PPP2R2C: variants seen among roughly 807,000 people sequenced by gnomAD.
The protein encoded by PPP2R2C is protein phosphatase 2 regulatory subunit Bgamma, also known as protein phosphatase 2, regulatory subunit B, gamma.
PPP2R2C carries 10 observed loss-of-function variants against 45.3 expected under a neutral mutation model. The observed-to-expected ratio is 0.22, with a 90% confidence interval of 0.14 to 0.37. The LOEUF is 0.37. Ranked by LOEUF, PPP2R2C falls within the 10% of genes least tolerant of loss-of-function variation. PPP2R2C has a pLI of 1.00. For synonymous variants in PPP2R2C, 257 were observed against 245.4 expected, an observed-to-expected ratio of 1.05 and a Z score of -0.44; for missense variants, 308 against 619.7, an observed-to-expected ratio of 0.50 and a Z score of 5.34.
chr4:6,400,432 T>C (rs9995412), intron 1 of PPP2R2C, among the ~76,000 whole-genome samples: 19,306 of 152,278 alleles, frequency 0.13, 1,735 homozygotes, highest in African/African-American at 0.25. Context: ...TTTTTAACTG[T>C]CTGAGTTTTA....
intron 2 of PPP2R2C, among the ~76,000 whole-genome samples, chr4:6,483,928 G>A (rs1722451495): frequency 6.6e-6 from 1 of 152,018 alleles, no homozygotes; most frequent in Non-Finnish European, 1.5e-5. Flanking sequence ...CAGACCAGCT[G>A]CGTATTTTTA....
rs1474695972 is a variant in PPP2R2C, at chr4:6,414,070, CTGTGTATGTGTGTGTG to C, written c.71-32992_71-32977del. The C allele has an allele frequency of 2.3e-4, 276 of 1,202,566 alleles. 6 individuals are homozygous for C. The highest frequency in any genetic ancestry group is 1.7e-3 in the Middle Eastern group (6 of 3,516). The allele number at this position is 1,202,566 out of a possible 1,614,324, so 74.5% of individuals were successfully genotyped here. On this transcript the variant is annotated intron_variant, in intron 1 of 8. Coordinates refer to ENST00000382599, the MANE Select transcript of PPP2R2C (RefSeq NM_020416.4). ...CATGGGACAGTAACATAAGTTTTGC[CTGTGTATGTGTGTGTG>C]TGTGTGTGTGTGTGTGTGTGTGTGT...
chr4:6,535,325 G>C, exon 2 of PPP2R2C: 4 of 1,535,344 alleles, frequency 2.6e-6, no homozygotes, highest in Non-Finnish European at 3.5e-6. Context: ...CGCATCCTGA[G>C]AGAGGTGACT....
chr4:6,410,784 T>C (rs571653437), intron 1 of PPP2R2C, among the ~76,000 whole-genome samples: 4 of 152,210 alleles, frequency 2.6e-5, no homozygotes, highest in South Asian at 2.1e-4. Flanking sequence ...TTCATGAACA[T>C]TGATCTCACT....
chr4:6,335,185 A>G (rs558254225), intron 6 of PPP2R2C, among the ~76,000 whole-genome samples: 1 of 152,350 alleles, frequency 6.6e-6, no homozygotes, highest in East Asian at 1.9e-4. Flanking sequence ...CTGTGCAGCC[A>G]ACATTCTCCT....
In PPP2R2C at chr4:6,328,911, ATGGTGACCGGGTGC is replaced by A. The variant is rs66509023; in HGVS notation, c.1052+337_1052+350del. ...CAGGACATACAGGTGTGGATGGATGATGGTGACCGGGTGCTGGGCTATAGCCCTCGCCCCCGACA... is the reference window on the plus strand; with the variant it reads ...CAGGACATACAGGTGTGGATGGATGATGGGCTATAGCCCTCGCCCCCGACA... On this transcript the variant is annotated intron_variant, in intron 8 of 8. Transcript: ENST00000382599. This position sits in a 1 kb window ranked among gnomAD's most constrained non-coding sequence, Gnocchi z 4.4. Among the ~76,000 whole-genome samples the A allele has an allele frequency of 0.39, 58,636 of 151,950 alleles. 11,458 individuals are homozygous for A. Among genetic ancestry groups the A allele is most frequent in the Non-Finnish European group, 0.4 (27,140 of 67,920 alleles).
In PPP2R2C at chr4:6,538,203, C is replaced by T. The variant is rs893326996; in HGVS notation, c.-58-2826G>A. Among the ~76,000 whole-genome samples, 9 of 152,254 alleles carry T rather than the reference C, an allele frequency of 5.9e-5. No individual in the cohort carries two copies. The South Asian group carries it at 1.2e-3, about 21-fold the overall frequency. On this transcript the variant is annotated intron_variant, in intron 1 of 9. Transcript: ENST00000506140. ...TAATCTTCCCAACGGCCCACTGAGG[C>T]GGGCACCCCTACAAGTTGAATGACT...
At chr4:6,382,101 T>A in intron 1 of PPP2R2C, 1 of 1,331,500 alleles carries the variant, frequency 7.5e-7, no homozygotes, top group Admixed American at 3.5e-5. Flanking sequence ...TTATTACTTT[T>A]AATTTGAAGT....
chr4:6,555,071 C>T (rs939761509), intron 1 of PPP2R2C, among the ~76,000 whole-genome samples: 1 of 152,130 alleles, frequency 6.6e-6, no homozygotes, highest in African/African-American at 2.4e-5. Context: ...CCAGCAGATT[C>T]GATTCAGTGT....
intron 5 of PPP2R2C, among the ~76,000 whole-genome samples, chr4:6,367,896 C>G (rs1714470080): frequency 1.3e-5 from 2 of 152,214 alleles, no homozygotes; most frequent in African/African-American, 2.4e-5. Flanking sequence ...CTGCCAAATG[C>G]CTAAGTTGCC....
intron 1 of PPP2R2C, among the ~76,000 whole-genome samples, chr4:6,395,442 C>T (rs984780132): frequency 1.3e-5 from 2 of 152,218 alleles, no homozygotes; most frequent in Admixed American, 6.5e-5. Flanking sequence ...AAGGACCACC[C>T]GGTGTCCAGG....
intron 2 of PPP2R2C, among the ~76,000 whole-genome samples, chr4:6,484,046 T>A (rs1381821269): frequency 1.3e-5 from 2 of 152,058 alleles, no homozygotes; most frequent in Non-Finnish European, 2.9e-5. Flanking sequence ...CCATATGGCC[T>A]ACAAGCCTAA....
intron 1 of PPP2R2C, among the ~76,000 whole-genome samples, chr4:6,400,904 G>A (rs59127498): frequency 0.17 from 25,728 of 152,122 alleles, 2,493 homozygotes; most frequent in South Asian, 0.27. Context: ...AAAGGGATGC[G>A]GAAGGGAAAC....
chr4:6,492,525 A>G (rs1395371410), intron 2 of PPP2R2C, among the ~76,000 whole-genome samples: 1 of 152,204 alleles, frequency 6.6e-6, no homozygotes, highest in Non-Finnish European at 1.5e-5. Flanking sequence ...AGTGAAAGTC[A>G]GTGGCCCCAC....
chr4:6,428,677 C>G (rs11935460), intron 1 of PPP2R2C, among the ~76,000 whole-genome samples: 2 of 152,232 alleles, frequency 1.3e-5, no homozygotes, highest in African/African-American at 4.8e-5. Context: ...CCAGACATCA[C>G]TGACACTGCA....
chr4:6,512,445 G>T (rs1447767373), intron 2 of PPP2R2C, among the ~76,000 whole-genome samples: 1 of 119,852 alleles, frequency 8.3e-6, no homozygotes, highest in Non-Finnish European at 1.8e-5. Context: ...TGATGGTGGC[G>T]GTGGTGGTGG....
intron 2 of PPP2R2C, among the ~76,000 whole-genome samples, chr4:6,517,324 C>G (rs1175530400): frequency 6.6e-6 from 1 of 152,158 alleles, no homozygotes; most frequent in East Asian, 1.9e-4. Context: ...TGGAGTCAGC[C>G]TATCTGGGTC....
Position 6,370,553 on chromosome 4 carries a change from C to A in PPP2R2C, c.625+1970G>T, listed in dbSNP as rs1027200079. On this transcript the variant is annotated intron_variant, in intron 5 of 8. Coordinates refer to ENST00000382599, the MANE Select transcript of PPP2R2C (RefSeq NM_020416.4). ...ACCCCCAATTAGAGCCCACAAGATG[C>A]CATTTAGGGTCCTAGTGGGACAGTT... Among the ~76,000 whole-genome samples, 4 of 152,156 alleles carry A rather than the reference C, an allele frequency of 2.6e-5. No homozygotes were observed. The East Asian group carries it at 7.7e-4, about 29-fold the overall frequency.
intron 2 of PPP2R2C, among the ~76,000 whole-genome samples, chr4:6,525,980 C>T (rs1363082901): frequency 6.6e-6 from 1 of 152,142 alleles, no homozygotes; most frequent in Non-Finnish European, 1.5e-5. Context: ...GGGATTACAG[C>T]ACGTGAGCCA....
Sources: gnomAD v4.1 joint callset for allele counts (sites outside exome capture counted in the v4.1 genomes callset) on GRCh38, gnomAD v4.1.1 for gene constraint, Gnocchi (gnomAD v3.1) non-coding constraint, MANE v1.5 for transcripts, NCBI Gene and HGNC (gene_info 2026-07-23, HGNC 2026-07-21) for gene names.